The following NLRP1 variants were observed in gnomAD, a reference collection of about 807,000 sequenced individuals.
NLRP1 encodes the protein NLR family pyrin domain containing 1, also known as NACHT, LRR and PYD domains-containing protein 1.
Under a neutral mutation model 136.7 loss-of-function variants are expected in NLRP1, and 94 were observed. The observed-to-expected ratio is 0.69, with a 90% confidence interval of 0.58 to 0.82. The LOEUF is 0.82. Ranked by LOEUF, NLRP1 falls within the 40% of genes least tolerant of loss-of-function variation. The pLI, the probability that NLRP1 is intolerant of heterozygous loss-of-function variation, is 0.00. For missense variants in NLRP1, 1,575 were observed against 1,802.7 expected (o/e 0.87, Z 2.29); for synonymous variants, 690 against 725.1 (o/e 0.95, Z 0.78).
intron 11 of NLRP1, among the ~76,000 whole-genome samples, chr17:5,532,268 C>CAACCA (rs974973980): frequency 6.6e-6 from 1 of 152,058 alleles, no homozygotes; most frequent in African/African-American, 2.4e-5. Context: ...AAACCAAACC[C>CAACCA]AACCAAACCA....
intron 3 of NLRP1, among the ~76,000 whole-genome samples, chr17:5,564,989 G>A (rs570619213): frequency 9.9e-5 from 15 of 152,072 alleles, no homozygotes; most frequent in Middle Eastern, 3.4e-3. Context: ...TGCCCACCTC[G>A]GCCTCCCAAA....
chr17:5,571,621 C>T (rs1398000649), intron 3 of NLRP1, among the ~76,000 whole-genome samples: 1 of 152,142 alleles, frequency 6.6e-6, no homozygotes, highest in Non-Finnish European at 1.5e-5. Flanking sequence ...AAATGGAAAA[C>T]ATTCCATGCT....
chr17:5,565,614 A>C (rs1373221240), intron 3 of NLRP1, among the ~76,000 whole-genome samples: 1 of 152,104 alleles, frequency 6.6e-6, no homozygotes, highest in Non-Finnish European at 1.5e-5. Flanking sequence ...TCATAGTTTG[A>C]GGTCTTAGAT....
chr17:5,512,086 T>G, downstream of NLRP1: 2 of 733,096 alleles, frequency 2.7e-6, no homozygotes. Flanking sequence ...TTTTTGTGGT[T>G]TTGGTGCATC....
rs1911236411 is a variant in NLRP1 at position 5,537,457 on chromosome 17, C to T, written c.2871-517G>A. 6.6e-6 allele frequency among the ~76,000 whole-genome samples: 1 copy of T among 152,140 alleles called. No homozygotes were observed. Among genetic ancestry groups the T allele is most frequent in the Non-Finnish European group, 1.5e-5 (1 of 68,024 alleles). On this transcript the variant is annotated intron_variant, in intron 7 of 16. Transcript: ENST00000572272. This position sits in a 1 kb window ranked among gnomAD's most constrained non-coding sequence, Gnocchi z 4.5. ...GGAAGTTTTGCTGGGAAGAGAGAGT[C>T]CTGGTTCCATCCTCCCAGGCCTTGT... is the stretch of plus-strand genomic sequence containing the variant.
In NLRP1 at chr17:5,559,544, G is replaced by A. The variant is rs201744135; in HGVS notation, c.1152C>T (p.Ile384=). ...QSKVVSLAEL[I]GKDGTATPAP... ...CCGGAGTGGCTGTCCCATCTTTTCC[G>A]ATGAGCTCAGCGAGACTCACCACCT... Residue 384 remains isoleucine, a synonymous_variant, in exon 4 of 17, where the codon ATC becomes ATT. Coordinates refer to ENST00000572272, the MANE Select transcript of NLRP1 (RefSeq NM_033004.4). 19 of 1,614,026 alleles carry A rather than the reference G, an allele frequency of 1.2e-5. No individual in the cohort carries two copies. Among genetic ancestry groups the A allele is most frequent in the East Asian group, 4.5e-5 (2 of 44,896 alleles).
At chr17:5,539,658 C>G (rs7223514) in intron 6 of NLRP1, 73 bp from the exon 7 acceptor site, 66,756 of 1,435,882 alleles carry the variant, frequency 0.046, 1,708 homozygotes, top group Middle Eastern at 0.08. Flanking sequence ...AGGGTCTGAT[C>G]TTCCTTCTCA....
At chr17:5,539,122 C>T (rs996782355) in intron 7 of NLRP1, among the ~76,000 whole-genome samples, 14 of 152,156 alleles carry the variant, frequency 9.2e-5, no homozygotes, top group Admixed American at 1.3e-4. Flanking sequence ...CCACCCGCCT[C>T]GGCCTCCCAA....
intron 7 of NLRP1, among the ~76,000 whole-genome samples, chr17:5,538,966 T>C (rs12150023): frequency 0.093 from 14,180 of 152,204 alleles, 835 homozygotes; most frequent in African/African-American, 0.18. Context: ...CTGCAACCTC[T>C]GCCTCCCAGG....
intron 15 of NLRP1, among the ~76,000 whole-genome samples, chr17:5,508,531 C>T (rs964581044): frequency 1.3e-5 from 2 of 152,172 alleles, no homozygotes; most frequent in Middle Eastern, 3.2e-3. Flanking sequence ...GACTTCAAGA[C>T]AGTGATCTAA....
intron 9 of NLRP1, 40 bp from the exon 10 acceptor site, chr17:5,533,424 A>T: frequency 1.3e-6 from 1 of 765,770 alleles, no homozygotes; most frequent in Non-Finnish European, 2.3e-6. Flanking sequence ...CATGGTGGTG[A>T]GCATCTGCAG....
At chr17:5,572,469 C>T (rs1904479996) in intron 3 of NLRP1, among the ~76,000 whole-genome samples, 1 of 152,094 alleles carries the variant, frequency 6.6e-6, no homozygotes, top group Admixed American at 6.5e-5. Context: ...TGTAATCCTA[C>T]CACTTTGGGG....
At position 5,561,601 on chromosome 17, in the gene NLRP1, G is replaced by A. The variant is rs371182315; in HGVS notation, c.653-1558C>T. Among the ~76,000 whole-genome samples, 37 of 98,946 alleles carry A rather than the reference G, an allele frequency of 3.7e-4. 9 individuals are homozygous for A. Among genetic ancestry groups the A allele is most frequent in the East Asian group, 2.1e-3 (9 of 4,252 alleles). 64.9% of individuals were successfully genotyped at this position (98,946 alleles called of 152,430 possible). ...TGGGACTACAGGCGCCCGCCACCGC[G>A]CCCGGCTAATTTTTTGTATTTTTAG... is the stretch of plus-strand genomic sequence containing the variant. On this transcript the variant is annotated intron_variant, in intron 3 of 16. Transcript: ENST00000572272.
intron 3 of NLRP1, among the ~76,000 whole-genome samples, chr17:5,572,485 G>C (rs1029123942): frequency 6.6e-6 from 1 of 152,160 alleles, no homozygotes; most frequent in Admixed American, 6.5e-5. Flanking sequence ...TGGGGACTGA[G>C]GTGGACAGAT....
In NLRP1 at chr17:5,559,173, T is replaced by C. The variant is rs1914448680; in HGVS notation, c.1523A>G (p.Lys508Arg). The change falls in exon 4 of 17, where the codon AAA becomes AGA. Residue 508 changes from lysine (K) to arginine (R), a missense_variant. Coordinates refer to ENST00000572272, the MANE Select transcript of NLRP1 (RefSeq NM_033004.4). Reference sequence around the variant, plus strand: ...CAGGGCCCAGAGCTCTTTGTTTGATTTGACCAACCTAAAGGCTCTAATTGC... The same window carrying C: ...CAGGGCCCAGAGCTCTTTGTTTGATCTGACCAACCTAAAGGCTCTAATTGC... ...RQAIRAFRLV[K>R]SNKELWALCL... 6.2e-7 allele frequency: 1 copy of C among 1,614,224 alleles called. No homozygotes were observed.
intron 11 of NLRP1, among the ~76,000 whole-genome samples, chr17:5,531,762 T>C (rs1215860092): frequency 6.6e-6 from 1 of 152,180 alleles, no homozygotes; most frequent in Non-Finnish European, 1.5e-5. Context: ...TTACTACTAG[T>C]GCGACTGTAA....
rs1409106743 is a variant in NLRP1 at position 5,514,924 on chromosome 17, C to A, written c.4252G>T (p.Ala1418Ser). The part of the protein sequence containing the change: ...LSQEQYERVL[A>S]ENTRPSQMRK... ...ATCTGGCTGGGCCTCGTGTTCTCAG[C>A]CAGCACCCTCTCGTACTGCTCCTGG... Residue 1418 changes from alanine to serine, a missense_variant, in exon 17 of 17, where the codon GCT (alanine) becomes TCT (serine). By Grantham distance (99) the Ala-to-Ser change is moderately conservative. Transcript: ENST00000572272. 1 of 1,614,084 alleles carries A rather than the reference C, an allele frequency of 6.2e-7. No individual in the cohort carries two copies. Among genetic ancestry groups the A allele is most frequent in the Non-Finnish European group, 8.5e-7 (1 of 1,180,034 alleles).
chr17:5,513,708 G>C (rs1470480397), downstream of NLRP1, among the ~76,000 whole-genome samples: 1 of 152,128 alleles, frequency 6.6e-6, no homozygotes, highest in East Asian at 1.9e-4. Flanking sequence ...AACCTCTTAA[G>C]ATTAAGGACG....
intron 14 of NLRP1, among the ~76,000 whole-genome samples, chr17:5,519,800 T>C (rs1366166578): frequency 6.6e-6 from 1 of 151,184 alleles, no homozygotes; most frequent in African/African-American, 2.4e-5. Context: ...TGCTTATCAT[T>C]CGTTCTCACC....
Sources: allele counts gnomAD v4.1 joint callset (sites outside exome capture counted in the v4.1 genomes callset), GRCh38; gene constraint gnomAD v4.1.1; non-coding constraint Gnocchi (gnomAD v3.1); transcripts MANE v1.5; gene names NCBI Gene and HGNC (gene_info 2026-07-23, HGNC 2026-07-21).